Variants in CHLSN observed in about 807,000 individuals in gnomAD.
CHLSN encodes the protein protein cholesin.
chr7:1,104,386 G>A, the CHLSN span, among the ~76,000 whole-genome samples: 1 of 152,246 alleles, frequency 6.6e-6, no homozygotes, highest in Non-Finnish European at 1.5e-5. Context: ...CTCCAGCCTG[G>A]GAAACAGCGA....
the CHLSN span, among the ~76,000 whole-genome samples, chr7:1,039,276 A>G: frequency 3.7e-4 from 10 of 26,936 alleles, no homozygotes; most frequent in African/African-American, 2.3e-3. Context: ...CGCCCCGTCC[A>G]GGAGGTGAGG....
At chr7:1,120,667 A>ATC in the CHLSN span, among the ~76,000 whole-genome samples, 5 of 152,270 alleles carry the variant, frequency 3.3e-5, no homozygotes. Context: ...GAAAGCATAG[A>ATC]AAGTCACAGA....
chr7:1,068,780 A>T, the CHLSN span, among the ~76,000 whole-genome samples: 1 of 152,126 alleles, frequency 6.6e-6, no homozygotes, highest in African/African-American at 2.4e-5. Context: ...TAAGTCAAAT[A>T]CCTGAAAAGC....
chr7:985,265 T>A, the CHLSN span: 2 of 1,551,850 alleles, frequency 1.3e-6, no homozygotes, highest in Non-Finnish European at 1.7e-6. Flanking sequence ...CCCGTGTTTG[T>A]GTCCCTGCTG....
the CHLSN span, among the ~76,000 whole-genome samples, chr7:1,002,704 T>C: frequency 0.019 from 776 of 40,352 alleles, 21 homozygotes; most frequent in Middle Eastern, 0.036. Context: ...TGGAGCCCTG[T>C]GGGTGAGTGG....
the CHLSN span, chr7:1,009,887 C>G: frequency 2.9e-6 from 4 of 1,378,088 alleles, no homozygotes. Flanking sequence ...AAGGCTTCGA[C>G]CCCCTCAGGC....
At chr7:1,063,454 C>A in the CHLSN span, among the ~76,000 whole-genome samples, 1 of 152,202 alleles carries the variant, frequency 6.6e-6, no homozygotes, top group Non-Finnish European at 1.5e-5. Flanking sequence ...CCGTGTCCTA[C>A]GGGTTCCAGG....
At chr7:985,304 T>A in the CHLSN span, 1 of 1,551,082 alleles carries the variant, frequency 6.4e-7, no homozygotes, top group Non-Finnish European at 8.7e-7. Flanking sequence ...ATGGTCCTCT[T>A]GGGGTCCCCT....
At chr7:1,051,560 A>G in the CHLSN span, among the ~76,000 whole-genome samples, 5 of 152,252 alleles carry the variant, frequency 3.3e-5, no homozygotes, top group African/African-American at 7.2e-5. Context: ...TTGAAGCTGT[A>G]AAGACCTCTC....
At chr7:1,136,482 A>G in the CHLSN span, among the ~76,000 whole-genome samples, 1 of 124,704 alleles carries the variant, frequency 8.0e-6, no homozygotes, top group Non-Finnish European at 1.6e-5. Context: ...AAATATATAA[A>G]CATATATAAA....
the CHLSN span, among the ~76,000 whole-genome samples, chr7:1,111,580 G>A: frequency 2.0e-5 from 3 of 152,206 alleles, no homozygotes; most frequent in Non-Finnish European, 2.9e-5. Context: ...CGAGAGGATC[G>A]CTTGAGCCTG....
At chr7:1,046,743 C>G in the CHLSN span, among the ~76,000 whole-genome samples, 1 of 152,240 alleles carries the variant, frequency 6.6e-6, no homozygotes, top group African/African-American at 2.4e-5. Context: ...TTCATCCCCA[C>G]AGAGCCACAC....
the CHLSN span, chr7:1,074,737 C>G: frequency 6.6e-6 from 1 of 152,372 alleles, no homozygotes; most frequent in Non-Finnish European, 1.5e-5. Flanking sequence ...GGAGGGGCAC[C>G]GAGGAGACGA....
the CHLSN span, among the ~76,000 whole-genome samples, chr7:1,020,014 A>C: frequency 3.3e-5 from 5 of 152,224 alleles, no homozygotes; most frequent in Non-Finnish European, 5.9e-5. Context: ...CCAGGGCAGA[A>C]GTCCAGCGAG....
At chr7:1,103,351 G>A in the CHLSN span, among the ~76,000 whole-genome samples, 1 of 152,180 alleles carries the variant, frequency 6.6e-6, no homozygotes, top group Non-Finnish European at 1.5e-5. Flanking sequence ...CGCGCAGGGA[G>A]GCACAGTCAT....
At chr7:1,020,873 C>T in the CHLSN span, among the ~76,000 whole-genome samples, 2 of 152,214 alleles carry the variant, frequency 1.3e-5, no homozygotes, top group Admixed American at 6.5e-5. Context: ...GGCAATCAGG[C>T]CGTTTGTAAC....
At chr7:1,097,700 G>A in the CHLSN span, among the ~76,000 whole-genome samples, 1 of 152,174 alleles carries the variant, frequency 6.6e-6, no homozygotes, top group African/African-American at 2.4e-5. The surrounding 1 kb of genome is among the most constrained non-coding windows in gnomAD (Gnocchi z 4.3). Context: ...TTAGTGCTCG[G>A]GGAAAGGTCA....
chr7:1,090,106 T>C, the CHLSN span, among the ~76,000 whole-genome samples: 6 of 152,100 alleles, frequency 3.9e-5, no homozygotes, highest in African/African-American at 1.4e-4. Flanking sequence ...CCTAATGATT[T>C]CAAAAGGTAA....
chr7:1,027,039 T>C, the CHLSN span: 1 of 152,210 alleles, frequency 6.6e-6, no homozygotes, highest in Non-Finnish European at 1.5e-5. Flanking sequence ...TGGAAGATGT[T>C]TGAGCAACGA....
Sources: gnomAD v4.1 joint callset for allele counts (sites outside exome capture counted in the v4.1 genomes callset) on GRCh38, gnomAD v4.1.1 for gene constraint, Gnocchi (gnomAD v3.1) non-coding constraint, MANE v1.5 for transcripts, NCBI Gene and HGNC (gene_info 2026-07-23, HGNC 2026-07-21) for gene names.